The following AGBL1 variants were observed in gnomAD, a reference collection of about 807,000 sequenced individuals.
AGBL1 encodes cytosolic carboxypeptidase 4.
AGBL1 carries 130 observed loss-of-function variants against 118.9 expected under a neutral mutation model. The ratio of observed to expected loss-of-function variants is 1.09; its 90% CI spans 0.95 to 1.26. The LOEUF is 1.26. Ranked by LOEUF, AGBL1 falls within the 50% of genes most tolerant of loss-of-function variation. AGBL1 has a pLI of 0.00. For missense variants in AGBL1, 1,584 were observed against 1,298.1 expected (o/e 1.22, Z -3.38); for synonymous variants, 555 against 478.9 (o/e 1.16, Z -2.08).
chr15:86,094,415 G>T (rs543596081), intron 1 of AGBL1, among the ~76,000 whole-genome samples: 1 of 152,200 alleles, frequency 6.6e-6, no homozygotes, highest in Non-Finnish European at 1.5e-5. Flanking sequence ...TATTTAATTT[G>T]AAATAGAGAA....
chr15:86,481,384 A>G (rs2082649935), intron 18 of AGBL1, among the ~76,000 whole-genome samples: 1 of 152,128 alleles, frequency 6.6e-6, no homozygotes, highest in South Asian at 2.1e-4. Context: ...AGTTGCTTCC[A>G]GATCCCATGC....
chr15:86,746,193 T>A lies in AGBL1; in HGVS notation c.3158+71757T>A, dbSNP rs79884391. ...TTATGTTTCGCTCTTATTGACAAGATGAAGTAGACTCCTTCCGCACATCCT... is the reference window on the plus strand; with the variant it reads ...TTATGTTTCGCTCTTATTGACAAGAAGAAGTAGACTCCTTCCGCACATCCT... On this transcript the variant is annotated intron_variant, in intron 22 of 22. Transcript: ENST00000614907. 1.3e-3 allele frequency among the ~76,000 whole-genome samples: 193 copies of A among 152,258 alleles called. 3 individuals are homozygous for A. In the East Asian group the frequency reaches 0.033, roughly 26 times the overall value.
At chr15:87,028,911 A>C in exon 25 of AGBL1, 1 of 1,502,406 alleles carries the variant, frequency 6.7e-7, no homozygotes, top group Non-Finnish European at 9.2e-7. Context: ...ATCTGTGAGG[A>C]AATATCTGAA....
chr15:86,908,093 G>T lies in AGBL1; in HGVS notation c.*799G>T, dbSNP rs1009122071. Reference sequence around the variant, plus strand: ...GCAGTTGCTTGTTATGACAATTTAGGCAAGTAATTAAATTTTCCTAAACTT... The same window carrying T: ...GCAGTTGCTTGTTATGACAATTTAGTCAAGTAATTAAATTTTCCTAAACTT... On this transcript the variant is annotated 3_prime_UTR_variant, in exon 23 of 23. Transcript: ENST00000614907. 1 of 151,974 alleles carries T rather than the reference G, an allele frequency of 6.6e-6. No individual in the cohort carries two copies. The highest frequency in any genetic ancestry group is 2.4e-5 in the African/African-American group (1 of 41,316). 9.4% of individuals were successfully genotyped at this position (151,974 alleles called of 1,614,324 possible).
chr15:86,694,936 T>C (rs1159056052), intron 22 of AGBL1, among the ~76,000 whole-genome samples: 2 of 152,046 alleles, frequency 1.3e-5, no homozygotes, highest in Admixed American at 1.3e-4. Flanking sequence ...GCATCCTTGA[T>C]ATGAAACCCA....
At chr15:86,312,987 A>G (rs1343245755) in intron 17 of AGBL1, among the ~76,000 whole-genome samples, 1 of 152,250 alleles carries the variant, frequency 6.6e-6, no homozygotes, top group East Asian at 1.9e-4. Context: ...GCGTCGTTGT[A>G]AATAATGAGT....
chr15:86,103,989 T>C (rs1368697332), intron 1 of AGBL1, among the ~76,000 whole-genome samples: 1 of 152,096 alleles, frequency 6.6e-6, no homozygotes, highest in Non-Finnish European at 1.5e-5. Flanking sequence ...TGTGCTGGTA[T>C]TGGCAGCAGC....
intron 22 of AGBL1, among the ~76,000 whole-genome samples, chr15:86,765,911 G>A (rs1025249428): frequency 2.0e-5 from 3 of 151,858 alleles, no homozygotes; most frequent in African/African-American, 7.3e-5. Flanking sequence ...TCTAAAAGAG[G>A]GAGAGCTGAG....
At chr15:86,867,193 A>C (rs866891475) in intron 22 of AGBL1, among the ~76,000 whole-genome samples, 2 of 152,288 alleles carry the variant, frequency 1.3e-5, no homozygotes, top group Middle Eastern at 6.8e-3. Flanking sequence ...CACAATCATA[A>C]ATGGTAGGTA....
intron 18 of AGBL1, among the ~76,000 whole-genome samples, chr15:86,469,133 A>G (rs2082444677): frequency 6.6e-6 from 1 of 152,172 alleles, no homozygotes; most frequent in African/African-American, 2.4e-5. Flanking sequence ...TATAAAATAC[A>G]TTATTATTAA....
At chr15:86,941,016 C>A (rs1002512808) in intron 23 of AGBL1, among the ~76,000 whole-genome samples, 21 of 152,260 alleles carry the variant, frequency 1.4e-4, no homozygotes, top group African/African-American at 4.8e-4. Context: ...AACCTTAGAT[C>A]TTTAAATGTA....
chr15:86,558,786 C>T (rs1490668029), intron 21 of AGBL1, among the ~76,000 whole-genome samples: 1 of 152,092 alleles, frequency 6.6e-6, no homozygotes, highest in Non-Finnish European at 1.5e-5. Flanking sequence ...GGAACAAAGC[C>T]CTCTACTACA....
chr15:86,544,408 C>G (rs1223945479), intron 19 of AGBL1, among the ~76,000 whole-genome samples: 2 of 152,096 alleles, frequency 1.3e-5, no homozygotes, highest in African/African-American at 4.8e-5. Context: ...TCTTATTGAC[C>G]AAAAGATGCT....
At chr15:86,643,424 T>G (rs1489881859) in intron 21 of AGBL1, among the ~76,000 whole-genome samples, 1 of 152,160 alleles carries the variant, frequency 6.6e-6, no homozygotes, top group Non-Finnish European at 1.5e-5. Flanking sequence ...GCCCCTATAT[T>G]TGCTGCCATA....
intron 18 of AGBL1, among the ~76,000 whole-genome samples, chr15:86,435,233 T>C (rs1041705837): frequency 6.6e-6 from 1 of 152,214 alleles, no homozygotes; most frequent in African/African-American, 2.4e-5. Context: ...TTTCTGTCCC[T>C]TTTTCCATTT....
intron 17 of AGBL1, among the ~76,000 whole-genome samples, chr15:86,367,106 T>G (rs1397542731): frequency 6.6e-6 from 1 of 152,202 alleles, no homozygotes; most frequent in East Asian, 1.9e-4. Context: ...TAAGAACTGT[T>G]TAGAACCAAG....
At chr15:86,999,468 G>A (rs896773964) in intron 24 of AGBL1, among the ~76,000 whole-genome samples, 27 of 146,716 alleles carry the variant, frequency 1.8e-4, no homozygotes, top group Non-Finnish European at 2.5e-4. Context: ...GAGAATATGC[G>A]GTGTTTGGTT....
chr15:86,755,600 A>G (rs963027546), intron 22 of AGBL1, among the ~76,000 whole-genome samples: 7 of 151,802 alleles, frequency 4.6e-5, no homozygotes, highest in Admixed American at 3.9e-4. Context: ...CTGATTGACA[A>G]CCCTCTGTAT....
intron 1 of AGBL1, among the ~76,000 whole-genome samples, chr15:86,102,843 G>A (rs935341425): frequency 6.6e-6 from 1 of 151,978 alleles, no homozygotes; most frequent in Non-Finnish European, 1.5e-5. Context: ...CTAGAGTTAG[G>A]GATTTTTCAG....
Sources: allele counts gnomAD v4.1 joint callset (sites outside exome capture counted in the v4.1 genomes callset), GRCh38; gene constraint gnomAD v4.1.1; transcripts MANE v1.5; gene names NCBI Gene and HGNC (gene_info 2026-07-23, HGNC 2026-07-21).